The following GABRG3 variants were observed in gnomAD, a reference collection of about 807,000 sequenced individuals.
GABRG3 encodes the protein gamma-aminobutyric acid receptor subunit gamma-3.
GABRG3 carries 25 observed loss-of-function variants against 48.8 expected under a neutral mutation model. The ratio of observed to expected loss-of-function variants is 0.51; its 90% CI spans 0.37 to 0.72. GABRG3 has a LOEUF of 0.72. Among genes scored for constraint, GABRG3 ranks in the 30% least tolerant of loss-of-function variants. The probability of loss-of-function intolerance (pLI) is 0.00; values close to 1 mark genes in which losing one functional copy is unlikely to be tolerated. For synonymous variants in GABRG3, 227 were observed against 217.6 expected (o/e 1.04, Z -0.38); for missense variants, 394 against 577.9 (o/e 0.68, Z 3.26).
At chr15:27,208,874 A>T (rs756416959) in intron 3 of GABRG3, among the ~76,000 whole-genome samples, 1 of 152,198 alleles carries the variant, frequency 6.6e-6, no homozygotes, top group African/African-American at 2.4e-5. Flanking sequence ...ATATAATCTG[A>T]TCTGAATTTT....
intron 9 of GABRG3, chr15:27,530,906 AG>A: frequency 3.0e-6 from 1 of 335,184 alleles, no homozygotes. Flanking sequence ...TTGTTAATAA[AG>A]GCAGATCTTT....
At chr15:27,436,380 A>G (rs1198688818) in intron 5 of GABRG3, among the ~76,000 whole-genome samples, 1 of 152,234 alleles carries the variant, frequency 6.6e-6, no homozygotes, top group Non-Finnish European at 1.5e-5. Flanking sequence ...ATTTGAGCAC[A>G]TGAATTTTGG....
chr15:27,127,554 T>G (rs1470345574), intron 3 of GABRG3, among the ~76,000 whole-genome samples: 9 of 152,056 alleles, frequency 5.9e-5, no homozygotes, highest in Admixed American at 5.2e-4. Flanking sequence ...AAGCACAGCT[T>G]CTTCTGTGAA....
chr15:27,429,334 G>A (rs558395403), intron 5 of GABRG3, among the ~76,000 whole-genome samples: 23 of 152,284 alleles, frequency 1.5e-4, no homozygotes, highest in African/African-American at 5.1e-4. Context: ...ATGGCGATGA[G>A]TCCTTCAGAG....
chr15:27,223,920 C>A (rs1278548139), intron 3 of GABRG3, among the ~76,000 whole-genome samples: 1 of 152,324 alleles, frequency 6.6e-6, no homozygotes, highest in East Asian at 1.9e-4. Flanking sequence ...AATTTCAGAA[C>A]CTGTCTGGGT....
chr15:27,198,441 A>G (rs1399475639), intron 3 of GABRG3, among the ~76,000 whole-genome samples: 1 of 152,244 alleles, frequency 6.6e-6, no homozygotes, highest in Admixed American at 6.5e-5. Context: ...CAAAACCACA[A>G]TGTGGTACCA....
At chr15:27,189,030 A>G (rs971776693) in intron 3 of GABRG3, among the ~76,000 whole-genome samples, 1 of 152,166 alleles carries the variant, frequency 6.6e-6, no homozygotes, top group African/African-American at 2.4e-5. Context: ...CAAAGATCAG[A>G]TAGTTGTAGA....
chr15:27,466,564 T>C (rs1889618333), intron 5 of GABRG3, among the ~76,000 whole-genome samples: 3 of 152,190 alleles, frequency 2.0e-5, no homozygotes, highest in African/African-American at 7.2e-5. Context: ...TAAACATTTC[T>C]CAAAGTAGGT....
At chr15:27,292,428 T>TA (rs145757222) in intron 3 of GABRG3, among the ~76,000 whole-genome samples, 4,113 of 147,162 alleles carry the variant, frequency 0.028, 144 homozygotes, top group African/African-American at 0.09. Flanking sequence ...TAAAGTATGA[T>TA]AAAAAAAAAA....
At chr15:27,423,002 G>C (rs1295985191) in intron 5 of GABRG3, among the ~76,000 whole-genome samples, 2 of 152,030 alleles carry the variant, frequency 1.3e-5, no homozygotes, top group Non-Finnish European at 2.9e-5. Context: ...TCTTGCATGA[G>C]TTAAATGTCT....
rs750891974 is a variant in GABRG3 at position 27,236,360 on chromosome 15, C to A, written c.271-90449C>A. 6.6e-6 allele frequency among the ~76,000 whole-genome samples: 1 copy of A among 152,180 alleles called. No homozygotes were observed. The highest frequency in any genetic ancestry group is 1.5e-5 in the Non-Finnish European group (1 of 68,040). ...ATCAAATGCTAAGGTCCCCAGCCCA[C>A]TGAATGGACCCCCTGACCCACTGTT... is the stretch of plus-strand genomic sequence containing the variant. On this transcript the variant is annotated intron_variant, in intron 3 of 9. Coordinates refer to ENST00000615808, the MANE Select transcript of GABRG3 (RefSeq NM_033223.5). This position sits in a 1 kb window ranked among gnomAD's most constrained non-coding sequence, Gnocchi z 4.4.
intron 3 of GABRG3, among the ~76,000 whole-genome samples, chr15:27,313,256 GTGTGTGTATATATATATATATATA>G (rs1399580509): frequency 3.5e-5 from 2 of 57,494 alleles, no homozygotes; most frequent in African/African-American, 1.6e-4. Context: ...GTGTGTGTGT[GTGTGTGTATATATATATATATATA>G]TATATATATA....
chr15:27,486,035 G>A (rs999122181), intron 6 of GABRG3, among the ~76,000 whole-genome samples: 13 of 152,136 alleles, frequency 8.5e-5, no homozygotes, highest in African/African-American at 1.7e-4. Context: ...GGTAGAATGC[G>A]CAGCGTTTTT....
intron 6 of GABRG3, among the ~76,000 whole-genome samples, chr15:27,514,604 C>T (rs1566874978): frequency 1.3e-5 from 2 of 152,016 alleles, no homozygotes; most frequent in East Asian, 1.9e-4. Context: ...TCATCTTTGC[C>T]GTATAAAGAA....
chr15:27,483,609 A>G (rs11074332), intron 6 of GABRG3, among the ~76,000 whole-genome samples: 104,846 of 152,084 alleles, frequency 0.69, 36,662 homozygotes, highest in African/African-American at 0.81. Context: ...TGTCCCAGAC[A>G]CATCCTTTTT....
At chr15:27,250,706 C>T (rs1262238167) in intron 3 of GABRG3, among the ~76,000 whole-genome samples, 2 of 152,168 alleles carry the variant, frequency 1.3e-5, no homozygotes, top group East Asian at 1.9e-4. Context: ...GGATCACAGG[C>T]GTGAGCCACC....
chr15:27,482,958 G>C (rs567404817), intron 6 of GABRG3: 2 of 152,328 alleles, frequency 1.3e-5, no homozygotes, highest in South Asian at 4.1e-4. Flanking sequence ...GCATTTATTT[G>C]ACTGGACCCA....
intron 3 of GABRG3, among the ~76,000 whole-genome samples, chr15:27,131,816 C>G (rs1897920893): frequency 2.6e-5 from 4 of 151,778 alleles, no homozygotes; most frequent in Admixed American, 2.6e-4. Context: ...TATTTTTCGT[C>G]TTTTTGATAA....
chr15:27,067,780 AC>A (rs1284274366), intron 3 of GABRG3, among the ~76,000 whole-genome samples: 3 of 151,998 alleles, frequency 2.0e-5, no homozygotes, highest in Non-Finnish European at 4.4e-5. Context: ...TTTTGTGAAC[AC>A]CCAGCTATCC....
Sources: gnomAD v4.1 joint callset for allele counts (sites outside exome capture counted in the v4.1 genomes callset) on GRCh38, gnomAD v4.1.1 for gene constraint, Gnocchi (gnomAD v3.1) non-coding constraint, MANE v1.5 for transcripts, NCBI Gene and HGNC (gene_info 2026-07-23, HGNC 2026-07-21) for gene names.